Variants in EPHA3 observed in about 807,000 individuals in gnomAD.
EPHA3 encodes ephrin type-A receptor 3.
Under a neutral mutation model 107.1 loss-of-function variants are expected in EPHA3, and 42 were observed. The observed-to-expected ratio is 0.39, with a 90% confidence interval of 0.31 to 0.51. The LOEUF (loss-of-function observed/expected upper bound fraction) is 0.51, where lower values mean the gene tolerates loss of function less well. Among genes scored for constraint, EPHA3 ranks in the 20% least tolerant of loss-of-function variants. The pLI is 0.78. For synonymous variants in EPHA3, 461 were observed against 424.8 expected (o/e 1.09, Z -1.05); for missense variants, 1,183 against 1,211.2 (o/e 0.98, Z 0.35).
intron 2 of EPHA3, among the ~76,000 whole-genome samples, chr3:89,171,030 G>T (rs1338113961): frequency 4.0e-5 from 6 of 151,538 alleles, no homozygotes; most frequent in South Asian, 2.1e-4. Flanking sequence ...CTTTAAAAAG[G>T]CTTCTGTTTA....
At chr3:89,415,017 A>G (rs1709219485) in intron 10 of EPHA3, among the ~76,000 whole-genome samples, 1 of 151,620 alleles carries the variant, frequency 6.6e-6, no homozygotes, top group African/African-American at 2.4e-5. Context: ...ACTTATTTGC[A>G]AATAGGTATA....
chr3:89,311,801 G>A (rs1313093800), intron 3 of EPHA3, among the ~76,000 whole-genome samples: 1 of 151,964 alleles, frequency 6.6e-6, no homozygotes, highest in Non-Finnish European at 1.5e-5. Context: ...TGTTTCCTTG[G>A]CACAGACACT....
intron 11 of EPHA3, 107 bp from the exon 12 acceptor site, chr3:89,428,999 G>C: frequency 1.5e-6 from 1 of 670,138 alleles, no homozygotes; most frequent in Non-Finnish European, 2.2e-6. Context: ...GACAGGCAAA[G>C]TTCTTACATC....
intron 11 of EPHA3, among the ~76,000 whole-genome samples, chr3:89,428,732 G>T (rs998811407): frequency 3.3e-5 from 5 of 151,988 alleles, no homozygotes; most frequent in South Asian, 2.1e-4. Context: ...CCCATAGAAA[G>T]AATAAATAAA....
chr3:89,175,931 T>G (rs1262604707), intron 2 of EPHA3, among the ~76,000 whole-genome samples: 2 of 152,164 alleles, frequency 1.3e-5, no homozygotes, highest in African/African-American at 4.8e-5. Context: ...TTTTTACAGT[T>G]GTTTTCGTTT....
chr3:89,339,778 T>A (rs1289443833), intron 3 of EPHA3, among the ~76,000 whole-genome samples: 1 of 152,190 alleles, frequency 6.6e-6, no homozygotes, highest in Non-Finnish European at 1.5e-5. Flanking sequence ...GTAATGACCA[T>A]CTATAGGGCC....
chr3:89,290,135 T>C (rs1400662382), intron 3 of EPHA3, among the ~76,000 whole-genome samples: 1 of 152,176 alleles, frequency 6.6e-6, no homozygotes, highest in African/African-American at 2.4e-5. Flanking sequence ...AGTTCCTTTC[T>C]GGAGGTTTTA....
At chr3:89,414,520 A>G (rs1305985452) in intron 10 of EPHA3, among the ~76,000 whole-genome samples, 2 of 151,646 alleles carry the variant, frequency 1.3e-5, no homozygotes, top group African/African-American at 2.4e-5. Context: ...TCCATGATGC[A>G]GAAGGGTTTA....
At chr3:89,137,614 C>CT (rs575159938) in intron 2 of EPHA3, among the ~76,000 whole-genome samples, 12 of 151,824 alleles carry the variant, frequency 7.9e-5, no homozygotes, top group Non-Finnish European at 1.6e-4. Flanking sequence ...ATTACCATTA[C>CT]TTTTTTTCCT....
chr3:89,257,493 C>T (rs940349228), intron 3 of EPHA3, among the ~76,000 whole-genome samples: 1 of 152,036 alleles, frequency 6.6e-6, no homozygotes, highest in Non-Finnish European at 1.5e-5. Flanking sequence ...ATAGTTGATT[C>T]CTCATTTGAA....
chr3:89,466,722 C>T lies in EPHA3; in HGVS notation c.2691-5742C>T, dbSNP rs1474859924. ...GGTGCGCACACACACTGGCCTGCGC[C>T]CACTGTCTGGCACTCCCTAGTGAGA... On this transcript the variant is annotated intron_variant, in intron 15 of 16. Coordinates refer to ENST00000336596, the MANE Select transcript of EPHA3 (RefSeq NM_005233.6). 3.0e-5 allele frequency among the ~76,000 whole-genome samples: 4 copies of T among 135,024 alleles called. 1 individual carries two copies. Among genetic ancestry groups the T allele is most frequent in the Admixed American group, 2.9e-4 (4 of 13,614 alleles). The allele number at this position is 135,024 out of a possible 152,430, so 88.6% of individuals were successfully genotyped here. A position where few individuals can be genotyped will look rare whatever the true frequency, so the allele number is the denominator to read the frequency against.
intron 3 of EPHA3, among the ~76,000 whole-genome samples, chr3:89,250,037 G>C (rs989733167): frequency 1.3e-5 from 2 of 152,136 alleles, no homozygotes; most frequent in Non-Finnish European, 2.9e-5. Context: ...AAAATGTGGG[G>C]TCCTCCTGTT....
intron 3 of EPHA3, among the ~76,000 whole-genome samples, chr3:89,222,023 T>C (rs1239539524): frequency 6.6e-6 from 1 of 152,108 alleles, no homozygotes; most frequent in Non-Finnish European, 1.5e-5. Flanking sequence ...ACGCAAATCT[T>C]TTCACAGGGC....
intron 3 of EPHA3, among the ~76,000 whole-genome samples, chr3:89,272,077 A>T (rs1705682741): frequency 6.6e-6 from 1 of 151,886 alleles, no homozygotes; most frequent in South Asian, 2.1e-4. Context: ...AGTATATAAT[A>T]CCTATAACAT....
intron 3 of EPHA3, among the ~76,000 whole-genome samples, chr3:89,295,118 T>C (rs1294915935): frequency 6.6e-6 from 1 of 152,046 alleles, no homozygotes; most frequent in Admixed American, 6.6e-5. Flanking sequence ...GCAATAAAGC[T>C]AATATAGCAA....
intron 16 of EPHA3, among the ~76,000 whole-genome samples, chr3:89,475,518 A>G (rs1017779910): frequency 2.4e-4 from 36 of 152,230 alleles, no homozygotes; most frequent in African/African-American, 8.7e-4. Flanking sequence ...ATTTTTGAAC[A>G]AAGCCCAGAA....
intron 5 of EPHA3, among the ~76,000 whole-genome samples, chr3:89,374,531 T>A (rs530277275): frequency 1.1e-4 from 16 of 152,038 alleles, no homozygotes; most frequent in Non-Finnish European, 2.2e-4. Flanking sequence ...TGTTATACAC[T>A]GGGCATTAAT....
chr3:89,289,699 G>A (rs1706167680), intron 3 of EPHA3, among the ~76,000 whole-genome samples: 1 of 152,088 alleles, frequency 6.6e-6, no homozygotes, highest in Admixed American at 6.6e-5. Context: ...GTGCGTGCGT[G>A]TGTGCATGTG....
At chr3:89,328,639 A>C (rs1469534483) in intron 3 of EPHA3, among the ~76,000 whole-genome samples, 1 of 152,200 alleles carries the variant, frequency 6.6e-6, no homozygotes, top group Non-Finnish European at 1.5e-5. Context: ...AACACAGAAT[A>C]CCTATGTCTT....
Sources: gnomAD v4.1 joint callset for allele counts (sites outside exome capture counted in the v4.1 genomes callset) on GRCh38, gnomAD v4.1.1 for gene constraint, MANE v1.5 for transcripts, NCBI Gene and HGNC (gene_info 2026-07-23, HGNC 2026-07-21) for gene names.